Variants in CD96 observed in about 807,000 individuals in gnomAD.
CD96 encodes the protein T-cell surface protein tactile.
CD96 carries 70 observed loss-of-function variants against 71.3 expected under a neutral mutation model. That is an observed-to-expected ratio of 0.98 (90% confidence interval 0.81 to 1.20). The LOEUF (loss-of-function observed/expected upper bound fraction) is 1.20, where lower values mean the gene tolerates loss of function less well. CD96 is among the 50% of genes most tolerant of loss of function. The probability of loss-of-function intolerance (pLI) is 0.00; values close to 1 mark genes in which losing one functional copy is unlikely to be tolerated. For synonymous variants in CD96, 248 were observed against 233.0 expected (o/e 1.06, Z -0.59); for missense variants, 742 against 677.5 (o/e 1.10, Z -1.06).
At chr3:111,598,642 C>G (rs1327563616) in intron 6 of CD96, among the ~76,000 whole-genome samples, 4 of 152,106 alleles carry the variant, frequency 2.6e-5, no homozygotes, top group Non-Finnish European at 5.9e-5. Context: ...TAATTTCTAC[C>G]TTTTTATGTG....
chr3:111,638,518 G>A (rs1174366224), intron 12 of CD96, among the ~76,000 whole-genome samples: 1 of 152,110 alleles, frequency 6.6e-6, no homozygotes, highest in Non-Finnish European at 1.5e-5. Context: ...GTAGCAAAAA[G>A]CATTTCAAGC....
exon 15 of CD96, chr3:111,665,539 A>G (rs561993720): frequency 1.3e-5 from 2 of 152,242 alleles, no homozygotes; most frequent in African/African-American, 4.8e-5. Flanking sequence ...ATTGGCTGGG[A>G]TCCACCAAAA....
In CD96 at chr3:111,638,083, T is replaced by C. The variant is rs568690956; in HGVS notation, c.1392T>C (p.Asn464=). Reference sequence around the variant, plus strand: ...ATATCCCCTTTATATCCCTAGACAATGTCTTTACCAGCACAGCCAGAGCAT... The same window carrying C: ...ATATCCCCTTTATATCCCTAGACAACGTCTTTACCAGCACAGCCAGAGCAT... The part of the protein sequence containing the change: ...PSGAGSTLHD[N]VFTSTARAFS... The change falls in exon 12 of 14, where the codon AAT becomes AAC. Residue 464 remains asparagine (N), a synonymous_variant. Coordinates refer to ENST00000352690, the MANE Select transcript of CD96 (RefSeq NM_005816.5). 2.5e-6 allele frequency: 4 copies of C among 1,591,602 alleles called. No individual in the cohort carries two copies. In the African/African-American group the frequency reaches 4.0e-5, roughly 16 times the overall value.
intron 2 of CD96, among the ~76,000 whole-genome samples, chr3:111,558,048 A>G (rs1576313789): frequency 6.7e-6 from 1 of 149,436 alleles, no homozygotes; most frequent in Non-Finnish European, 1.5e-5. Flanking sequence ...ATTTTTGTAC[A>G]TTGATTCTGT....
chr3:111,655,360 T>C (rs904569278), downstream of CD96, among the ~76,000 whole-genome samples: 1 of 152,198 alleles, frequency 6.6e-6, no homozygotes, highest in Non-Finnish European at 1.5e-5. Context: ...GAACTACTTA[T>C]TGCCTTCAGT....
intron 2 of CD96, among the ~76,000 whole-genome samples, chr3:111,562,649 T>C (rs1303451667): frequency 6.6e-6 from 1 of 152,258 alleles, no homozygotes; most frequent in Non-Finnish European, 1.5e-5. Flanking sequence ...GCTCAAATAC[T>C]TAAATCCATT....
chr3:111,665,181 GTGTGTGTGTGTGTA>G (rs1940452771), intron 14 of CD96, among the ~76,000 whole-genome samples: 1 of 151,962 alleles, frequency 6.6e-6, no homozygotes, highest in Admixed American at 6.6e-5. Context: ...AAGTGTGTGT[GTGTGTGTGTGTGTA>G]TGTGTGTGTG....
At chr3:111,607,509 T>TCTAACAAAGAAC (rs1937678811) in intron 8 of CD96, among the ~76,000 whole-genome samples, 1 of 152,194 alleles carries the variant, frequency 6.6e-6, no homozygotes, top group African/African-American at 2.4e-5. Flanking sequence ...GGCTTTTGTG[T>TCTAACAAAGAAC]CTAACAAAGA....
intron 3 of CD96, 88 bp downstream of exon 3, chr3:111,567,735 A>G (rs1340306091): frequency 3.1e-5 from 37 of 1,209,178 alleles, no homozygotes; most frequent in Middle Eastern, 1.9e-4. Context: ...TAGGGAAGGA[A>G]GCATACAAAT....
intron 2 of CD96, among the ~76,000 whole-genome samples, chr3:111,551,265 T>C (rs1934686846): frequency 6.6e-6 from 1 of 152,104 alleles, no homozygotes; most frequent in Admixed American, 6.6e-5. Context: ...ATGGCTAAAA[T>C]GAAGTGGAGA....
chr3:111,545,093 C>CT lies in CD96; in HGVS notation c.111dup (p.Gly38TrpfsTer3). The stretch of plus-strand genomic sequence containing the variant: ...CACAGAAGAAAATGTTTATGCTACA[C>CT]TTGGCTCTGATGTCAACCTGACCTG... On this transcript the variant is annotated frameshift_variant, in exon 2 of 14. Transcript: ENST00000352690. LOFTEE classifies it high-confidence loss of function. 6.2e-7 allele frequency: 1 copy of CT among 1,614,182 alleles called. No individual in the cohort carries two copies. Among genetic ancestry groups the CT allele is most frequent in the Non-Finnish European group, 8.5e-7 (1 of 1,180,040 alleles).
At chr3:111,562,835 T>G (rs1935522228) in intron 2 of CD96, among the ~76,000 whole-genome samples, 1 of 152,234 alleles carries the variant, frequency 6.6e-6, no homozygotes. Flanking sequence ...ATCTTAGCCA[T>G]TCCATGACTC....
intron 8 of CD96, among the ~76,000 whole-genome samples, chr3:111,622,204 A>G (rs1938549602): frequency 1.3e-5 from 2 of 152,168 alleles, no homozygotes; most frequent in Admixed American, 6.5e-5. Flanking sequence ...CTGGGGAAGA[A>G]AGAATTAGTT....
At chr3:111,573,132 A>G (rs1186071462) in intron 3 of CD96, among the ~76,000 whole-genome samples, 1 of 152,214 alleles carries the variant, frequency 6.6e-6, no homozygotes, top group Non-Finnish European at 1.5e-5. Context: ...CTGAAAGATA[A>G]GTGGTATTTT....
intron 12 of CD96, among the ~76,000 whole-genome samples, chr3:111,645,572 C>T (rs11719437): frequency 3.9e-5 from 6 of 152,018 alleles, no homozygotes; most frequent in East Asian, 1.9e-4. Context: ...AAACTTTGGA[C>T]GTAAAATATT....
chr3:111,654,004 A>T (rs143990043), downstream of CD96, among the ~76,000 whole-genome samples: 112 of 152,284 alleles, frequency 7.4e-4, 2 homozygotes, highest in East Asian at 0.019. Flanking sequence ...AAGGCCAGAG[A>T]TAATGAAAAA....
chr3:111,581,359 C>T (rs1048542989), intron 4 of CD96, among the ~76,000 whole-genome samples: 3 of 152,136 alleles, frequency 2.0e-5, no homozygotes, highest in African/African-American at 7.2e-5. Context: ...TTATAAGAAC[C>T]TACTTTACAT....
chr3:111,598,084 A>G (rs774678377), intron 5 of CD96, 36 bp from the exon 6 acceptor site: 1 of 909,416 alleles, frequency 1.1e-6, no homozygotes. Context: ...GTTTCTTAGG[A>G]ATTTGCAAAT....
At chr3:111,637,561 G>T (rs1401462611) in intron 11 of CD96, among the ~76,000 whole-genome samples, 2 of 152,122 alleles carry the variant, frequency 1.3e-5, no homozygotes, top group African/African-American at 4.8e-5. Flanking sequence ...AGAATAATTA[G>T]TCAACATGGA....
Sources: gnomAD v4.1 joint callset for allele counts (sites outside exome capture counted in the v4.1 genomes callset) on GRCh38, gnomAD v4.1.1 for gene constraint, MANE v1.5 for transcripts, NCBI Gene and HGNC (gene_info 2026-07-23, HGNC 2026-07-21) for gene names.